COL4A1: variants seen among roughly 807,000 people sequenced by gnomAD.
COL4A1 encodes the protein collagen type IV alpha 1 chain, also known as collagen alpha-1(IV) chain.
Under a neutral mutation model 216.6 loss-of-function variants are expected in COL4A1, and 40 were observed. That is an observed-to-expected ratio of 0.18 (90% CI 0.14 to 0.24). COL4A1 has a LOEUF of 0.24. Ranked by LOEUF, COL4A1 falls within the 10% of genes least tolerant of loss-of-function variation. The pLI, the probability that COL4A1 is intolerant of heterozygous loss-of-function variation, is 1.00. For synonymous variants in COL4A1, 839 were observed against 810.7 expected (o/e 1.03, Z -0.59); for missense variants, 1,628 against 2,196.8 (o/e 0.74, Z 5.18).
intron 51 of COL4A1, 34 bp downstream of exon 51, chr13:110,152,300 C>T (rs748681524): frequency 6.8e-6 from 11 of 1,613,262 alleles, no homozygotes; most frequent in East Asian, 2.2e-5. Context: ...ACAAAGGGGC[C>T]AGCAGCCTGC....
At chr13:110,216,744 C>T (rs753226909) in intron 2 of COL4A1, among the ~76,000 whole-genome samples, 5 of 152,106 alleles carry the variant, frequency 3.3e-5, no homozygotes, top group Non-Finnish European at 5.9e-5. Context: ...TAGAGCAAGC[C>T]GGTTCCCAGC....
intron 49 of COL4A1, 84 bp downstream of exon 49, chr13:110,161,108 A>C: frequency 7.0e-7 from 1 of 1,419,314 alleles, no homozygotes; most frequent in Non-Finnish European, 9.9e-7. Context: ...AACGTTTTGG[A>C]GAAAAATAGA....
intron 28 of COL4A1, among the ~76,000 whole-genome samples, chr13:110,181,746 G>C (rs1878167835): frequency 6.6e-6 from 1 of 152,104 alleles, no homozygotes; most frequent in Non-Finnish European, 1.5e-5. Flanking sequence ...TGTGGTTGGG[G>C]GGGCAGGTCA....
rs1459335194 is a variant in COL4A1, at chr13:110,162,110, G to C, written c.4462+120C>G. On this transcript the variant is annotated intron_variant, in intron 48 of 51. Coordinates refer to ENST00000375820, the MANE Select transcript of COL4A1 (RefSeq NM_001845.6). ...CTTTTTCACTGGCTACCGCCCTCAT[G>C]GCGCAGTGTTTCACTCGCTACTGCC... 6 of 944,498 alleles carry C rather than the reference G, an allele frequency of 6.4e-6. No homozygotes were observed. In the East Asian group the frequency reaches 1.4e-4, roughly 23 times the overall value. The allele number at this position is 944,498 out of a possible 1,614,324, so 58.5% of individuals were successfully genotyped here.
At chr13:110,222,094 T>C (rs1329091459) in intron 2 of COL4A1, among the ~76,000 whole-genome samples, 1 of 151,694 alleles carries the variant, frequency 6.6e-6, no homozygotes, top group East Asian at 2.0e-4. Flanking sequence ...CCACCCTTCA[T>C]CCACCTCCAG....
intron 1 of COL4A1, among the ~76,000 whole-genome samples, chr13:110,253,784 CGTATAATTATACGTATAT>C (rs1566419146): frequency 4.5e-5 from 4 of 89,160 alleles, no homozygotes; most frequent in Non-Finnish European, 1.1e-4. Context: ...ATTATATATA[CGTATAATTATACGTATAT>C]ATGTATAATT....
rs1265583504 is a variant in COL4A1, at chr13:110,235,494, C to CA, written c.144+7180dup. On this transcript the variant is annotated intron_variant, in intron 2 of 51. Transcript: ENST00000375820. ...TGAAACCCCGTCTCTACTAAAAATA[C>CA]AAAAAAATTAGCCTGGCATGGTGGC... 9.9e-5 allele frequency among the ~76,000 whole-genome samples: 15 copies of CA among 151,544 alleles called. No homozygotes were observed. The East Asian group carries it at 2.1e-3, about 22-fold the overall frequency.
intron 24 of COL4A1, 50 bp downstream of exon 24, chr13:110,192,164 G>T: frequency 6.3e-7 from 1 of 1,576,286 alleles, no homozygotes; most frequent in Non-Finnish European, 8.7e-7. Flanking sequence ...CTGTCCACGT[G>T]CTTGGTGGCA....
chr13:110,187,645 T>C (rs1264663583), intron 24 of COL4A1, among the ~76,000 whole-genome samples: 1 of 152,186 alleles, frequency 6.6e-6, no homozygotes, highest in African/African-American at 2.4e-5. Context: ...CCCTAACAAC[T>C]GCTCAACATT....
intron 1 of COL4A1, among the ~76,000 whole-genome samples, chr13:110,246,558 T>A (rs1881821701): frequency 6.6e-6 from 1 of 152,232 alleles, no homozygotes; most frequent in African/African-American, 2.4e-5. Flanking sequence ...ATGTCACCAT[T>A]TCATCATTTC....
chr13:110,253,308 GTATTACATATACATATAATTATAT>G (rs772222879), intron 1 of COL4A1, among the ~76,000 whole-genome samples: 40,325 of 99,132 alleles, frequency 0.41, 12,661 homozygotes, highest in Non-Finnish European at 0.52. Flanking sequence ...ATAATTATAT[GTATTACATATACATATAATTATAT>G]GTATTACATA....
chr13:110,245,812 T>A (rs1881780508), intron 1 of COL4A1, among the ~76,000 whole-genome samples: 1 of 152,160 alleles, frequency 6.6e-6, no homozygotes, highest in Non-Finnish European at 1.5e-5. Context: ...CCCCAGCCGG[T>A]GCCGGTGACA....
chr13:110,215,796 G>A (rs1341168729), intron 2 of COL4A1, among the ~76,000 whole-genome samples: 1 of 152,176 alleles, frequency 6.6e-6, no homozygotes, highest in Non-Finnish European at 1.5e-5. Flanking sequence ...CAACCGACAA[G>A]CTACACACCA....
chr13:110,268,574 G>A lies in COL4A1; in HGVS notation c.85-25840C>T, dbSNP rs920707856. ...CAGATGACTTCAGGGTGGTGTGGCA[G>A]GGAAAATGCTTTTGAGCTTCAAGCC... On this transcript the variant is annotated intron_variant, in intron 1 of 51. Coordinates refer to ENST00000375820, the MANE Select transcript of COL4A1 (RefSeq NM_001845.6). The surrounding 1 kb of genome is among the most constrained non-coding windows in gnomAD (Gnocchi z 4.1). 2.0e-5 allele frequency among the ~76,000 whole-genome samples: 3 copies of A among 152,238 alleles called. No individual in the cohort carries two copies. The highest frequency in any genetic ancestry group is 7.2e-5 in the African/African-American group (3 of 41,468).
In COL4A1 at chr13:110,176,497, T is replaced by C. The variant is rs200504781; in HGVS notation, c.2985A>G (p.Pro995=). 9.9e-6 allele frequency: 16 copies of C among 1,613,460 alleles called. No individual in the cohort carries two copies. Among genetic ancestry groups the C allele is most frequent in the Non-Finnish European group, 1.3e-5 (15 of 1,179,458 alleles). ...GAGCACCTGGGGTTCCACTTATACC[T>C]GGATCACCTTTAGGTCCTAGAACCA... ...QPGQPGPKGD[P]GISGTPGAPG... is the part of the protein sequence containing the mutation. Residue 995 remains proline (P), a synonymous_variant, in exon 36 of 52, where the codon CCA becomes CCG. Transcript: ENST00000375820.
rs58236306 is a variant in COL4A1 at position 110,163,984 on chromosome 13, CTTTTTTTT to C, written c.4151-431_4151-424del. ...GTTCTTCTTCTTTCTTTCTCTCTCT[CTTTTTTTT>C]TTTTTTTTTTTTTTGAGACAGGGTC... is the stretch of plus-strand genomic sequence containing the variant. On this transcript the variant is annotated intron_variant, in intron 46 of 51. Coordinates refer to ENST00000375820, the MANE Select transcript of COL4A1 (RefSeq NM_001845.6). Among the ~76,000 whole-genome samples the C allele has an allele frequency of 6.2e-3, 681 of 110,242 alleles. 5 individuals carry two copies. The highest frequency in any genetic ancestry group is 0.02 in the African/African-American group (602 of 29,842). The allele number at this position is 110,242 out of a possible 152,430, so 72.3% of individuals were successfully genotyped here.
At chr13:110,284,486 G>A (rs1024828847) in intron 1 of COL4A1, among the ~76,000 whole-genome samples, 1 of 152,178 alleles carries the variant, frequency 6.6e-6, no homozygotes, top group African/African-American at 2.4e-5. Context: ...TTAGCCTTCA[G>A]TCCCTTAAGA....
At chr13:110,273,605 G>T (rs61963358) in intron 1 of COL4A1, among the ~76,000 whole-genome samples, 23,318 of 152,118 alleles carry the variant, frequency 0.15, 2,065 homozygotes, top group Non-Finnish European at 0.19. Flanking sequence ...GGTTTAAATT[G>T]TTTATGGCAA....
Position 110,149,474 on chromosome 13 carries a change from T to C in COL4A1, c.*889A>G, listed in dbSNP as rs1157381691. On this transcript the variant is annotated 3_prime_UTR_variant, in exon 52 of 52. Transcript: ENST00000375820. ...ATAAAAACAATAAGCTCAAAGTACATGTTTCACTATAATAGACACCATATT... is the reference window on the plus strand; with the variant it reads ...ATAAAAACAATAAGCTCAAAGTACACGTTTCACTATAATAGACACCATATT... The C allele has an allele frequency of 6.5e-6, 1 of 152,838 alleles. No homozygotes were observed. The highest frequency in any genetic ancestry group is 1.5e-5 in the Non-Finnish European group (1 of 68,080). 9.5% of individuals were successfully genotyped at this position (152,838 alleles called of 1,614,324 possible). A position where few individuals can be genotyped will look rare whatever the true frequency, so the allele number is the denominator to read the frequency against.
Sources: gnomAD v4.1 joint callset for allele counts (sites outside exome capture counted in the v4.1 genomes callset) on GRCh38, gnomAD v4.1.1 for gene constraint, Gnocchi (gnomAD v3.1) non-coding constraint, MANE v1.5 for transcripts, NCBI Gene and HGNC (gene_info 2026-07-23, HGNC 2026-07-21) for gene names.